The following CFAP61 variants were observed in gnomAD, a reference collection of about 807,000 sequenced individuals.
CFAP61 encodes cilia and flagella associated protein 61, also known as cilia- and flagella-associated protein 61.
Under a neutral mutation model 135.6 loss-of-function variants are expected in CFAP61, and 107 were observed. The ratio of observed to expected loss-of-function variants is 0.79; its 90% CI spans 0.67 to 0.93. The LOEUF (loss-of-function observed/expected upper bound fraction) is 0.93, where lower values mean the gene tolerates loss of function less well. Ranked by LOEUF, CFAP61 falls within the 40% of genes least tolerant of loss-of-function variation. The probability of loss-of-function intolerance (pLI) is 0.00; values close to 1 mark genes in which losing one functional copy is unlikely to be tolerated. For missense variants in CFAP61, 1,507 were observed against 1,556.2 expected, an observed-to-expected ratio of 0.97 and a Z score of 0.53; for synonymous variants, 575 against 578.5, an observed-to-expected ratio of 0.99 and a Z score of 0.09.
At chr20:20,243,920 C>T (rs1426782272) in intron 18 of CFAP61, among the ~76,000 whole-genome samples, 2 of 151,966 alleles carry the variant, frequency 1.3e-5, no homozygotes, top group African/African-American at 4.8e-5. Flanking sequence ...AGAAATTGGC[C>T]AAAACAAAGG....
intron 13 of CFAP61, among the ~76,000 whole-genome samples, chr20:20,177,483 A>C (rs1198102981): frequency 2.0e-5 from 3 of 151,328 alleles, no homozygotes; most frequent in Non-Finnish European, 4.4e-5. Context: ...CACATTGACA[A>C]AATGGCCACT....
chr20:20,085,619 C>G, intron 6 of CFAP61: 1 of 803,546 alleles, frequency 1.2e-6, no homozygotes, highest in Non-Finnish European at 1.9e-6. Context: ...AACCTTTATT[C>G]CTGATGTTTA....
intron 12 of CFAP61, among the ~76,000 whole-genome samples, chr20:20,167,415 A>G (rs1194547035): frequency 1.3e-5 from 2 of 152,232 alleles, no homozygotes; most frequent in Non-Finnish European, 2.9e-5. Flanking sequence ...AACTCCTCAA[A>G]TAAATTTCAC....
chr20:20,103,488 G>A, intron 8 of CFAP61, among the ~76,000 whole-genome samples: 1 of 152,096 alleles, frequency 6.6e-6, no homozygotes, highest in South Asian at 2.1e-4. Flanking sequence ...ACCTAGTGTG[G>A]AAGTAGCAAG....
chr20:20,329,772 T>G (rs1221526283), intron 25 of CFAP61, among the ~76,000 whole-genome samples: 1 of 152,230 alleles, frequency 6.6e-6, no homozygotes, highest in African/African-American at 2.4e-5. Flanking sequence ...GCTTTGTGCC[T>G]CCACGCTTTC....
intron 12 of CFAP61, among the ~76,000 whole-genome samples, chr20:20,166,914 A>G (rs1012211290): frequency 2.0e-5 from 3 of 152,240 alleles, no homozygotes; most frequent in Admixed American, 6.5e-5. Flanking sequence ...ACATTGATGA[A>G]TGGGCCTGCA....
chr20:20,352,299 A>G (rs750008652), intron 26 of CFAP61, among the ~76,000 whole-genome samples: 15 of 143,572 alleles, frequency 1.0e-4, no homozygotes, highest in Non-Finnish European at 2.2e-4. Flanking sequence ...TCACCCCACT[A>G]TCATGAGAAC....
intron 15 of CFAP61, among the ~76,000 whole-genome samples, chr20:20,192,954 G>C (rs764932843): frequency 3.3e-4 from 50 of 152,086 alleles, no homozygotes; most frequent in Non-Finnish European, 5.4e-4. Context: ...CTATTCTACT[G>C]GTCAGACCAG....
chr20:20,277,278 C>CA lies in CFAP61; in HGVS notation c.2617dup (p.Thr873AsnfsTer36), dbSNP rs771359401. 14 of 1,614,032 alleles carry CA rather than the reference C, an allele frequency of 8.7e-6. No homozygotes were observed. Among genetic ancestry groups the CA allele is most frequent in the Non-Finnish European group, 9.3e-6 (11 of 1,180,030 alleles). ...ACCTCGTGCAGCCCCCGCCCGCCTC[C>CA]ACCATCACCTGCATCAACAACTACT... On this transcript the variant is annotated frameshift_variant, in exon 22 of 27. Transcript: ENST00000245957. LOFTEE classifies it high-confidence loss of function.
At chr20:20,142,566 C>A (rs142345576) in intron 8 of CFAP61, among the ~76,000 whole-genome samples, 3 of 152,150 alleles carry the variant, frequency 2.0e-5, no homozygotes, top group Admixed American at 6.5e-5. Context: ...CAGGCCTGGG[C>A]CAGGTCCGTT....
intron 25 of CFAP61, among the ~76,000 whole-genome samples, chr20:20,304,264 A>G (rs1360695252): frequency 8.7e-6 from 1 of 114,980 alleles, no homozygotes. Context: ...CTAATCCACC[A>G]TCGGTGACTG....
intron 24 of CFAP61, among the ~76,000 whole-genome samples, chr20:20,296,016 T>TCCA (rs1569258337): frequency 4.0e-5 from 1 of 24,768 alleles, no homozygotes; most frequent in Non-Finnish European, 1.0e-4. Context: ...CTTCCCTCCT[T>TCCA]TCCTTCCTTC....
chr20:20,170,920 G>A (rs766857077), intron 13 of CFAP61, among the ~76,000 whole-genome samples: 17 of 152,156 alleles, frequency 1.1e-4, no homozygotes, highest in East Asian at 3.8e-4. Flanking sequence ...TGTGCCAGGC[G>A]CTTTCTTAAT....
intron 21 of CFAP61, among the ~76,000 whole-genome samples, chr20:20,269,232 T>TATATACAC (rs1421772539): frequency 0.015 from 2,163 of 143,854 alleles, 107 homozygotes; most frequent in Non-Finnish European, 0.021. Flanking sequence ...CATATATGTA[T>TATATACAC]ATATATACAC....
chr20:20,208,964 C>T (rs1026290530), intron 17 of CFAP61, among the ~76,000 whole-genome samples: 3 of 152,180 alleles, frequency 2.0e-5, no homozygotes, highest in East Asian at 1.9e-4. Context: ...ACTCACAGCA[C>T]GTCAACAGTT....
intron 25 of CFAP61, among the ~76,000 whole-genome samples, chr20:20,305,473 A>G (rs1051076200): frequency 5.3e-5 from 8 of 152,082 alleles, no homozygotes; most frequent in Non-Finnish European, 8.8e-5. Context: ...GTTTTTCCGG[A>G]TTTATCAAAA....
rs183259488 is a variant in CFAP61 at position 20,122,915 on chromosome 20, C to T, written c.860-19942C>T. ...AAGTGTTCCCTGATCACCACATCCA[C>T]GCCAACATCTACTGTTTTTTTTAAT... On this transcript the variant is annotated intron_variant, in intron 8 of 26. Transcript: ENST00000245957. 7.9e-5 allele frequency among the ~76,000 whole-genome samples: 12 copies of T among 151,798 alleles called. No homozygotes were observed. In the East Asian group the frequency reaches 1.7e-3, roughly 22 times the overall value.
chr20:20,118,262 T>TTTCC (rs1194239754), intron 8 of CFAP61, among the ~76,000 whole-genome samples: 2 of 62,268 alleles, frequency 3.2e-5, no homozygotes, highest in Non-Finnish European at 4.6e-5. Flanking sequence ...TGTTTCTTTC[T>TTTCC]TTCTTTCTTT....
In CFAP61 at chr20:20,169,427, A is replaced by T. The variant is rs2054062818; in HGVS notation, c.1352A>T (p.Asp451Val). 1 of 1,613,760 alleles carries T rather than the reference A, an allele frequency of 6.2e-7. No individual in the cohort carries two copies. Among genetic ancestry groups the T allele is most frequent in the African/African-American group, 1.3e-5 (1 of 74,912 alleles). Residue 451 changes from aspartate (D) to valine (V), a missense_variant, in exon 13 of 27, where the codon GAC becomes GTC. Asp to Val is a radical substitution (Grantham distance 152). Transcript: ENST00000245957. Reference protein sequence around the residue: ...VPFNTCTLEQDLYVFHRAGLL... With the variant: ...VPFNTCTLEQVLYVFHRAGLL... ...TTCAACACCTGCACCCTCGAGCAGG[A>T]CCTCTACGTCTTCCACCGGGCTGGA...
Sources: gnomAD v4.1 joint callset for allele counts (sites outside exome capture counted in the v4.1 genomes callset) on GRCh38, gnomAD v4.1.1 for gene constraint, MANE v1.5 for transcripts, NCBI Gene and HGNC (gene_info 2026-07-23, HGNC 2026-07-21) for gene names.